The following PLXNA1 variants were observed in gnomAD, a reference collection of about 807,000 sequenced individuals.
PLXNA1 encodes the protein plexin A1, also known as plexin-A1.
Under a neutral mutation model 191.7 loss-of-function variants are expected in PLXNA1, and 77 were observed. The observed-to-expected ratio is 0.40, with a 90% CI of 0.33 to 0.49. The LOEUF is 0.49. Ranked by LOEUF, PLXNA1 falls within the 20% of genes least tolerant of loss-of-function variation. The pLI is 0.63. For synonymous variants in PLXNA1, 1,137 were observed against 1,156.4 expected, an observed-to-expected ratio of 0.98 and a Z score of 0.34; for missense variants, 2,110 against 2,660.2, an observed-to-expected ratio of 0.79 and a Z score of 4.55.
In PLXNA1 at chr3:127,017,416, T is replaced by C; in HGVS notation, c.3277-9T>C. 6.2e-7 allele frequency: 1 copy of C among 1,610,010 alleles called. No individual in the cohort carries two copies. The highest frequency in any genetic ancestry group is 1.1e-5 in the South Asian group (1 of 91,000). ...GGTCCCGCCCAGCATCCCCACCCTG[T>C]GTCTCCAGGGCTGCCTGGTGTACAA... On this transcript the variant is annotated splice_polypyrimidine_tract_variant and intron_variant, in intron 17 of 31. Transcript: ENST00000393409.
chr3:126,993,445 G>A (rs1193556831), intron 3 of PLXNA1, among the ~76,000 whole-genome samples: 9 of 152,200 alleles, frequency 5.9e-5, no homozygotes, highest in Admixed American at 5.9e-4. Context: ...GTGGGCAGCT[G>A]CTGGATGGTG....
intron 1 of PLXNA1, among the ~76,000 whole-genome samples, chr3:126,985,277 G>C (rs1056655416): frequency 6.6e-6 from 1 of 152,054 alleles, no homozygotes; most frequent in Non-Finnish European, 1.5e-5. Context: ...GGAGCCCCTG[G>C]GCTGGGGCTC....
Position 127,000,468 on chromosome 3 carries a change from G to T in PLXNA1, c.1378-2862G>T. Among the ~76,000 whole-genome samples the T allele has an allele frequency of 2.0e-5, 3 of 152,268 alleles. 1 individual carries two copies. The stretch of plus-strand genomic sequence containing the variant: ...CGTGTGCCCTTCTGTCCTGCCACCC[G>T]CTCTGGCCCCAGGTTCACCTGCCGT... On this transcript the variant is annotated intron_variant, in intron 3 of 31. Coordinates refer to ENST00000393409, the MANE Select transcript of PLXNA1 (RefSeq NM_032242.4).
Position 127,014,275 on chromosome 3 carries a change from G to A in PLXNA1, c.2504G>A (p.Arg835His), listed in dbSNP as rs1228235901. ...RFECGWCVAERRCSLRHHCAA... is the reference protein window; with the variant it reads ...RFECGWCVAEHRCSLRHHCAA... ...GAGTGCGGATGGTGCGTGGCCGAGCGCCGCTGCTCCCTGCGACACCACTGC... is the reference window on the plus strand; with the variant it reads ...GAGTGCGGATGGTGCGTGGCCGAGCACCGCTGCTCCCTGCGACACCACTGC... The change falls in exon 12 of 32, where the codon CGC (arginine) becomes CAC (histidine). Residue 835 changes from arginine to histidine, a missense_variant. Physicochemically the swap from Arg to His is conservative, Grantham distance 29 (BLOSUM62 0). Around this residue, in one of 4 missense-constraint regions of PLXNA1, gnomAD observed 644 missense variants for 714.3 expected, o/e 0.90. Coordinates refer to ENST00000393409, the MANE Select transcript of PLXNA1 (RefSeq NM_032242.4). 1.8e-5 allele frequency: 29 copies of A among 1,595,616 alleles called. No individual in the cohort carries two copies. The Admixed American group carries it at 2.8e-4, about 15-fold the overall frequency.
rs377449139 is a variant in PLXNA1 at position 127,016,582 on chromosome 3, T to A, written c.3080T>A (p.Ile1027Asn). The A allele has an allele frequency of 1.9e-6, 3 of 1,613,830 alleles. No individual in the cohort carries two copies. ...CAGAGCCCTGGCAGCGCTCCCATCA[T>A]CATCAACATCAACCGCGCCCAGCTC... Reference protein sequence around the residue: ...PGQSPGSAPIIININRAQLTN... With the variant: ...PGQSPGSAPINININRAQLTN... The change falls in exon 16 of 32, where the codon ATC becomes AAC. Residue 1027 changes from isoleucine to asparagine, a missense_variant. Physicochemically the swap from Ile to Asn is moderately radical, Grantham distance 149. This residue lies in a region of PLXNA1 where 644 missense variants were observed against 714.3 expected (regional missense o/e 0.90). Coordinates refer to ENST00000393409, the MANE Select transcript of PLXNA1 (RefSeq NM_032242.4).
At position 127,004,577 on chromosome 3, in the gene PLXNA1, G is replaced by A. The variant is rs770230127; in HGVS notation, c.1519-34G>A. On this transcript the variant is annotated intron_variant, in intron 4 of 31. Transcript: ENST00000393409. The stretch of plus-strand genomic sequence containing the variant: ...AGGATGGTCAAGGACCCCTGGGGTG[G>A]TACTGGAGGGGCCTGACACCTCCCC... 3.4e-6 allele frequency: 5 copies of A among 1,474,756 alleles called. No individual in the cohort carries two copies. In the East Asian group the frequency reaches 1.2e-4, roughly 36 times the overall value. The allele number at this position is 1,474,756 out of a possible 1,614,324, so 91.4% of individuals were successfully genotyped here.
At chr3:127,002,711 G>A (rs969965988) in intron 3 of PLXNA1, among the ~76,000 whole-genome samples, 2 of 152,244 alleles carry the variant, frequency 1.3e-5, no homozygotes, top group African/African-American at 4.8e-5. Flanking sequence ...TTTGGTAAAA[G>A]CAACTAAAAA....
rs544229467 is a variant in PLXNA1 at position 127,029,374 on chromosome 3, G to A, written c.4774-66G>A. 10 of 1,485,636 alleles carry A rather than the reference G, an allele frequency of 6.7e-6. No individual in the cohort carries two copies. In the African/African-American group the frequency reaches 1.2e-4, roughly 18 times the overall value. 92.0% of individuals were successfully genotyped at this position (1,485,636 alleles called of 1,614,324 possible). On this transcript the variant is annotated intron_variant, in intron 26 of 31. Transcript: ENST00000393409. ...GGTGTCACCGGGGTCCCCAGCCGGGGAGTGGGAGCCTGGTGGTGCAGGGGC... is the reference window on the plus strand; with the variant it reads ...GGTGTCACCGGGGTCCCCAGCCGGGAAGTGGGAGCCTGGTGGTGCAGGGGC...
intron 17 of PLXNA1, 28 bp downstream of exon 17, chr3:127,017,065 T>G: frequency 6.3e-7 from 1 of 1,588,112 alleles, no homozygotes; most frequent in Non-Finnish European, 8.6e-7. Context: ...GCTGCCCACC[T>G]CGGTCCAGGC....
chr3:127,002,138 C>T (rs1378000367), intron 3 of PLXNA1, among the ~76,000 whole-genome samples: 1 of 152,230 alleles, frequency 6.6e-6, no homozygotes, highest in Non-Finnish European at 1.5e-5. Flanking sequence ...GCCCGCTGTC[C>T]CTGCATCTCT....
intron 25 of PLXNA1, chr3:127,028,716 C>A: frequency 1.8e-6 from 1 of 546,636 alleles, no homozygotes. Context: ...TGGGTCCCCA[C>A]AGAAGCCTCG....
chr3:126,986,157 G>A (rs182112424), intron 1 of PLXNA1, among the ~76,000 whole-genome samples: 1 of 152,340 alleles, frequency 6.6e-6, no homozygotes, highest in East Asian at 1.9e-4. Context: ...GTAATTGCAG[G>A]CCTGCTTTGA....
rs2079110549 is a variant in PLXNA1 at position 127,014,283 on chromosome 3, T to C, written c.2512T>C (p.Ser838Pro). 6.3e-7 allele frequency: 1 copy of C among 1,596,296 alleles called. No individual in the cohort carries two copies. Among genetic ancestry groups the C allele is most frequent in the African/African-American group, 1.3e-5 (1 of 74,702 alleles). ...CGWCVAERRC[S>P]LRHHCAADTP... Reference sequence around the variant, plus strand: ...ATGGTGCGTGGCCGAGCGCCGCTGCTCCCTGCGACACCACTGCGCTGCCGA... The same window carrying C: ...ATGGTGCGTGGCCGAGCGCCGCTGCCCCCTGCGACACCACTGCGCTGCCGA... Residue 838 changes from serine (S) to proline (P), a missense_variant, in exon 12 of 32, where the codon TCC becomes CCC. Transcript: ENST00000393409.
chr3:127,031,412 G>C (rs1439496703), intron 29 of PLXNA1, among the ~76,000 whole-genome samples: 1 of 152,190 alleles, frequency 6.6e-6, no homozygotes, highest in African/African-American at 2.4e-5. Context: ...CCTGGGGTCA[G>C]GTGGATGCCC....
chr3:127,016,192 G>A (rs2079122603), intron 15 of PLXNA1, among the ~76,000 whole-genome samples: 1 of 152,114 alleles, frequency 6.6e-6, no homozygotes, highest in South Asian at 2.1e-4. Context: ...GCAGAGGCCT[G>A]GTGGGTGTGG....
chr3:127,016,432 T>C, intron 15 of PLXNA1, 85 bp from the exon 16 acceptor site: 1 of 1,233,644 alleles, frequency 8.1e-7, no homozygotes, highest in Non-Finnish European at 1.2e-6. Flanking sequence ...GATGGCGCTG[T>C]TCCCACCGTC....
At chr3:127,031,795 TTC>T (rs1293285568) in intron 29 of PLXNA1, 1 of 153,992 alleles carries the variant, frequency 6.5e-6, no homozygotes, top group Non-Finnish European at 1.4e-5. Context: ...TTGGAGAATG[TTC>T]TGTCACAGTG....
chr3:127,014,749 C>T lies in PLXNA1; in HGVS notation c.2795C>T (p.Ala932Val). The T allele has an allele frequency of 6.2e-7, 1 of 1,612,360 alleles. No homozygotes were observed. Among genetic ancestry groups the T allele is most frequent in the Non-Finnish European group, 8.5e-7 (1 of 1,179,826 alleles). The change falls in exon 14 of 32, where the codon GCC (alanine) becomes GTC (valine). Residue 932 changes from alanine to valine, a missense_variant. Transcript: ENST00000393409. ...CEIGDASSVR[A>V]HDALVEVCVR... Reference sequence around the variant, plus strand: ...ATCGGGGACGCCAGCTCCGTGCGTGCCCATGACGCCCTGGTGGAGGTGTGT... The same window carrying T: ...ATCGGGGACGCCAGCTCCGTGCGTGTCCATGACGCCCTGGTGGAGGTGTGT...
chr3:127,018,994 G>A (rs1302087904), intron 20 of PLXNA1, among the ~76,000 whole-genome samples: 1 of 152,212 alleles, frequency 6.6e-6, no homozygotes, highest in East Asian at 1.9e-4. Context: ...TGGGCACATA[G>A]AGATCTTGGC....
Sources: gnomAD v4.1 joint callset for allele counts (sites outside exome capture counted in the v4.1 genomes callset) on GRCh38, gnomAD v4.1.1 for gene constraint, gnomAD v4.1.1 regional missense constraint, MANE v1.5 for transcripts, NCBI Gene and HGNC (gene_info 2026-07-23, HGNC 2026-07-21) for gene names.